Variants in OOEP observed in about 807,000 individuals in gnomAD.
The protein encoded by OOEP is oocyte expressed protein.
In OOEP, 16 loss-of-function variants were observed where a neutral mutation model predicts 13.7. The ratio of observed to expected loss-of-function variants is 1.16; its 90% CI spans 0.79 to 1.77. OOEP has a LOEUF of 1.77. Ranked by LOEUF, OOEP falls within the 40% of genes most tolerant of loss-of-function variation. OOEP has a pLI of 0.00. For missense variants in OOEP, 195 were observed against 193.1 expected (o/e 1.01, Z -0.06); for synonymous variants, 89 against 77.1 (o/e 1.15, Z -0.81).
At chr6:73,386,154 G>A (rs1270226903) in intron 2 of OOEP, among the ~76,000 whole-genome samples, 1 of 151,248 alleles carries the variant, frequency 6.6e-6, no homozygotes, top group Non-Finnish European at 1.5e-5. Context: ...GAGTGCAATG[G>A]CGCGATGTTG....
At chr6:73,394,026 C>G (rs990879677) in intron 2 of OOEP, among the ~76,000 whole-genome samples, 1 of 152,134 alleles carries the variant, frequency 6.6e-6, no homozygotes, top group African/African-American at 2.4e-5. Flanking sequence ...AGTCAGTGAT[C>G]TTTAAGCTGT....
chr6:73,386,125 G>C (rs1454320604), intron 2 of OOEP, among the ~76,000 whole-genome samples: 9 of 131,950 alleles, frequency 6.8e-5, no homozygotes, highest in Admixed American at 4.3e-4. Context: ...ACAGAGTTTC[G>C]CTCTTGTTGC....
At chr6:73,370,155 C>CT (rs769797277), upstream of OOEP, 6 of 224,268 alleles carry the variant, frequency 2.7e-5, no homozygotes, top group Non-Finnish European at 5.3e-5. Context: ...ATTGACGACT[C>CT]TATTAATAGA....
exon 1 of OOEP, chr6:73,394,968 G>C: frequency 6.2e-7 from 1 of 1,614,272 alleles, no homozygotes; most frequent in Non-Finnish European, 8.5e-7. Context: ...GGCGAAGCTC[G>C]ACAGTGTCCC....
chr6:73,385,055 G>A (rs1769250179), intron 2 of OOEP, among the ~76,000 whole-genome samples: 1 of 149,176 alleles, frequency 6.7e-6, no homozygotes, highest in Non-Finnish European at 1.5e-5. Context: ...TCTTAAAAAA[G>A]GCAAATGGAG....
intron 2 of OOEP, among the ~76,000 whole-genome samples, chr6:73,381,177 A>G (rs996040115): frequency 6.7e-6 from 1 of 148,646 alleles, no homozygotes; most frequent in African/African-American, 2.5e-5. Flanking sequence ...AGAAAAAGTC[A>G]AAAAGATGAA....
intron 2 of OOEP, among the ~76,000 whole-genome samples, chr6:73,388,035 A>G (rs1373844380): frequency 6.6e-6 from 1 of 152,126 alleles, no homozygotes; most frequent in Non-Finnish European, 1.5e-5. Context: ...GCGGCACCAC[A>G]CCAAGCTAAT....
At chr6:73,394,849 G>T in exon 1 of OOEP, 1 of 1,588,334 alleles carries the variant, frequency 6.3e-7, no homozygotes, top group South Asian at 1.2e-5. Context: ...ACGACGTCAC[G>T]GTCAGGTGGT....
At chr6:73,384,928 G>C (rs191624540) in intron 2 of OOEP, among the ~76,000 whole-genome samples, 4 of 151,592 alleles carry the variant, frequency 2.6e-5, no homozygotes, top group African/African-American at 9.6e-5. Context: ...GTAGAGACGG[G>C]GTTTTATCAT....
At chr6:73,385,603 T>C (rs1051938726) in intron 2 of OOEP, among the ~76,000 whole-genome samples, 1 of 151,926 alleles carries the variant, frequency 6.6e-6, no homozygotes, top group Non-Finnish European at 1.5e-5. Flanking sequence ...CTCTTTTTTT[T>C]TTTTTTCGGA....
intron 2 of OOEP, among the ~76,000 whole-genome samples, chr6:73,378,657 G>C (rs1046607074): frequency 6.6e-6 from 1 of 151,930 alleles, no homozygotes; most frequent in African/African-American, 2.4e-5. Context: ...GAGGTCAGGA[G>C]TTTGAGACCA....
upstream of OOEP, chr6:73,369,938 G>A: frequency 1.5e-6 from 1 of 675,356 alleles, no homozygotes; most frequent in Non-Finnish European, 2.5e-6. Flanking sequence ...GGGGTGAGCG[G>A]GTGCAAGCGA....
chr6:73,382,808 C>A (rs1738623599), intron 2 of OOEP, among the ~76,000 whole-genome samples: 1 of 151,766 alleles, frequency 6.6e-6, no homozygotes. Flanking sequence ...CCTGGCTCAG[C>A]CTCCCAAAGT....
In OOEP at chr6:73,369,803, G is replaced by C. The variant is rs773623789; in HGVS notation, c.-11C>G. Reference sequence around the variant, plus strand: ...AGCATCATCGACCATACTGGGACCAGCAGCCGCGGAGCGCGCTCGAGGCGG... The same window carrying C: ...AGCATCATCGACCATACTGGGACCACCAGCCGCGGAGCGCGCTCGAGGCGG... On this transcript the variant is annotated 5_prime_UTR_variant, in exon 1 of 3. Transcript: ENST00000370359. 1 of 1,608,824 alleles carries C rather than the reference G, an allele frequency of 6.2e-7. No individual in the cohort carries two copies. The highest frequency in any genetic ancestry group is 8.5e-7 in the Non-Finnish European group (1 of 1,176,584).
rs766011148 is a variant in OOEP at position 73,369,310 on chromosome 6, C to T, written c.266G>A (p.Gly89Glu). The T allele has an allele frequency of 2.5e-6, 4 of 1,613,862 alleles. No individual in the cohort carries two copies. The highest frequency in any genetic ancestry group is 2.2e-5 in the South Asian group (2 of 91,052). ...ALLTVDIVDS[G>E]NLVEITVFGR... is the part of the protein sequence containing the mutation. ...GAAAACGGTGATTTCGACTAGGTTC[C>T]CTGAGTCCACTATGTCCACTGTCAG... Residue 89 changes from glycine (G) to glutamate (E), a missense_variant, in exon 2 of 3, where the codon GGG (glycine) becomes GAG (glutamate). Coordinates refer to ENST00000370359, the MANE Select transcript of OOEP (RefSeq NM_001080507.3).
chr6:73,394,906 A>G (rs148049794), exon 1 of OOEP: 20 of 1,613,950 alleles, frequency 1.2e-5, no homozygotes, highest in Non-Finnish European at 1.7e-5. Flanking sequence ...TCTTGGAACA[A>G]TGTCCCACCA....
chr6:73,386,659 A>T (rs1769275878), intron 2 of OOEP, among the ~76,000 whole-genome samples: 1 of 152,066 alleles, frequency 6.6e-6, no homozygotes, highest in South Asian at 2.1e-4. Context: ...CGACATACAC[A>T]AAAATTAACT....
At chr6:73,381,990 A>T (rs1374908198) in intron 2 of OOEP, among the ~76,000 whole-genome samples, 2 of 152,082 alleles carry the variant, frequency 1.3e-5, no homozygotes, top group African/African-American at 4.8e-5. Context: ...CAAAAACAAA[A>T]CAAAACAAAC....
intron 2 of OOEP, among the ~76,000 whole-genome samples, chr6:73,381,792 C>G (rs1008831730): frequency 6.6e-6 from 1 of 152,092 alleles, no homozygotes; most frequent in East Asian, 1.9e-4. Flanking sequence ...ACCAGCCTGG[C>G]CGACATGGCG....
Sources: gnomAD v4.1 joint callset for allele counts (sites outside exome capture counted in the v4.1 genomes callset) on GRCh38, gnomAD v4.1.1 for gene constraint, MANE v1.5 for transcripts, NCBI Gene and HGNC (gene_info 2026-07-23, HGNC 2026-07-21) for gene names.